The following DST variants were observed in gnomAD, a reference collection of about 807,000 sequenced individuals.
DST encodes the protein dystonin.
A neutral mutation model predicts 875.2 loss-of-function variants in DST; 253 were observed. The observed-to-expected ratio is 0.29, with a 90% CI of 0.26 to 0.32. The LOEUF (loss-of-function observed/expected upper bound fraction) is 0.32. Among genes scored for constraint, DST ranks in the 10% least tolerant of loss-of-function variants. The pLI, the probability that DST is intolerant of heterozygous loss-of-function variation, is 1.00. For synonymous variants in DST, 3,124 were observed against 3,197.1 expected, an observed-to-expected ratio of 0.98 and a Z score of 0.77; for missense variants, 8,287 against 9,111.6, an observed-to-expected ratio of 0.91 and a Z score of 3.68.
In DST at chr6:56,603,026, T is replaced by A; in HGVS notation, c.11163A>T (p.Lys3721Asn). 6.4e-7 allele frequency: 1 copy of A among 1,567,810 alleles called. No individual in the cohort carries two copies. Among genetic ancestry groups the A allele is most frequent in the African/African-American group, 1.4e-5 (1 of 72,382 alleles). ...IMLAIDSEMS[K>N]LAVSHEEFLH... ...GAAATTCTTCATGGGAAACTGCTAG[T>A]TTAGACTAGAAAAAAAAATTGTGCA... The change falls in exon 43 of 104, where the codon AAA becomes AAT. Residue 3721 changes from lysine (K) to asparagine (N), a missense_variant. Transcript: ENST00000680361.
chr6:56,531,514 G>A (rs115886599), intron 64 of DST, among the ~76,000 whole-genome samples: 4,718 of 152,146 alleles, frequency 0.031, 85 homozygotes, highest in Non-Finnish European at 0.043. Flanking sequence ...TTATTCTATG[G>A]CCCTAAAGCT....
intron 4 of DST, among the ~76,000 whole-genome samples, chr6:56,808,908 TGTTGCATGA>T (rs1375601403): frequency 3.9e-5 from 6 of 152,192 alleles, no homozygotes; most frequent in African/African-American, 1.4e-4. Context: ...TGGGCAAATT[TGTTGCATGA>T]GTCTGGTGTA....
Position 56,607,991 on chromosome 6 carries a change from C to T in DST, c.6637G>A (p.Ala2213Thr). The change falls in exon 40 of 104, where the codon GCA (alanine) becomes ACA (threonine). Residue 2213 changes from alanine (A) to threonine (T), a missense_variant. By Grantham distance (58) the Ala-to-Thr change is moderately conservative. This residue lies in a region of DST where 3,138 missense variants were observed against 3,116.6 expected (regional missense o/e 1.01). Transcript: ENST00000680361. ...AGCAAAAGCCTTTGCCCTGTGTTTG[C>T]ATCCATATAGCTATTTATCATTAAA... ...SYLMINSYMD[A>T]NTGQRLLLYD... 1 of 1,613,488 alleles carries T rather than the reference C, an allele frequency of 6.2e-7. No individual in the cohort carries two copies. The highest frequency in any genetic ancestry group is 8.5e-7 in the Non-Finnish European group (1 of 1,179,664).
chr6:56,907,464 GC>G (rs1393434933), intron 2 of DST, among the ~76,000 whole-genome samples: 1 of 152,166 alleles, frequency 6.6e-6, no homozygotes, highest in African/African-American at 2.4e-5. Flanking sequence ...TAGGCACTTA[GC>G]CTATATACAC....
intron 4 of DST, among the ~76,000 whole-genome samples, chr6:56,846,186 CATTT>C (rs2099806983): frequency 6.6e-6 from 1 of 152,192 alleles, no homozygotes; most frequent in Non-Finnish European, 1.5e-5. Context: ...GGTAAGCTAT[CATTT>C]ATAAAGCATT....
Position 56,503,056 on chromosome 6 carries a change from C to T in DST, c.19566+941G>A, listed in dbSNP as rs191019043. Among the ~76,000 whole-genome samples the T allele has an allele frequency of 5.3e-5, 8 of 152,130 alleles. No homozygotes were observed. In the East Asian group the frequency reaches 1.5e-3, roughly 29 times the overall value. On this transcript the variant is annotated intron_variant, in intron 78 of 103. Coordinates refer to ENST00000680361, the MANE Select transcript of DST (RefSeq NM_001374736.1). ...TACAGAGAACAGCAATGGAAAACAA[C>T]AAACATTTACAAAACAAACCTTTTG...
Position 56,530,039 on chromosome 6 carries a change from G to C in DST, c.17203C>G (p.Leu5735Val). ...GTTCCTATGGGTTCACAATTCACCA[G>C]CCTCTTTTCTATGGTTGTAAGCCAC... is the stretch of plus-strand genomic sequence containing the variant. The part of the protein sequence containing the change: ...NEWLTTIEKR[L>V]VNCEPIGTQA... The change falls in exon 65 of 104, where the codon CTG becomes GTG. Residue 5735 changes from leucine (L) to valine (V), a missense_variant. Around this residue, in one of 10 missense-constraint regions of DST, gnomAD observed 777 missense variants for 764.8 expected, o/e 1.02. Transcript: ENST00000680361. 1 of 1,613,274 alleles carries C rather than the reference G, an allele frequency of 6.2e-7. No homozygotes were observed. Among genetic ancestry groups the C allele is most frequent in the Non-Finnish European group, 8.5e-7 (1 of 1,179,630 alleles).
intron 4 of DST, among the ~76,000 whole-genome samples, chr6:56,741,616 C>T (rs2099547021): frequency 1.3e-5 from 2 of 152,188 alleles, no homozygotes; most frequent in Non-Finnish European, 2.9e-5. Flanking sequence ...TTTCCATACA[C>T]ATTATTTCAA....
At chr6:56,487,431 G>A (rs2095605609) in intron 86 of DST, among the ~76,000 whole-genome samples, 158 bp from the exon 87 acceptor site, 2 of 152,110 alleles carry the variant, frequency 1.3e-5, no homozygotes, top group South Asian at 2.1e-4. Context: ...ACCATGGTAC[G>A]AAAGCCATAG....
chr6:56,621,996 C>T (rs1157921687), intron 36 of DST, among the ~76,000 whole-genome samples: 1 of 152,166 alleles, frequency 6.6e-6, no homozygotes, highest in Non-Finnish European at 1.5e-5. Context: ...AAACAAATCT[C>T]ATAATCTGTT....
intron 13 of DST, among the ~76,000 whole-genome samples, chr6:56,646,618 C>CA (rs35683584): frequency 0.08 from 11,407 of 142,624 alleles, 530 homozygotes; most frequent in East Asian, 0.13. Flanking sequence ...TTCTATCCTT[C>CA]AAAAAAAAAA....
At chr6:56,748,096 G>C (rs2099577704) in intron 4 of DST, among the ~76,000 whole-genome samples, 1 of 151,980 alleles carries the variant, frequency 6.6e-6, no homozygotes, top group African/African-American at 2.4e-5. Flanking sequence ...GCTATTTTCT[G>C]TCCCAGCCAA....
chr6:56,736,413 G>A (rs1005714428), intron 4 of DST, among the ~76,000 whole-genome samples: 18 of 152,320 alleles, frequency 1.2e-4, no homozygotes, highest in African/African-American at 4.1e-4. Flanking sequence ...CCTAAAGCTA[G>A]CATTCAAAAC....
At chr6:56,708,803 G>T (rs1201109070) in intron 5 of DST, among the ~76,000 whole-genome samples, 1 of 152,152 alleles carries the variant, frequency 6.6e-6, no homozygotes, top group East Asian at 1.9e-4. Flanking sequence ...TTAAGGGAAA[G>T]AAAAGAAGGG....
rs557977605 is a variant in DST at position 56,517,943 on chromosome 6, G to A, written c.18130-323C>T. Among the ~76,000 whole-genome samples, 5 of 152,202 alleles carry A rather than the reference G, an allele frequency of 3.3e-5. No homozygotes were observed. The East Asian group carries it at 9.7e-4, about 29-fold the overall frequency. Reference sequence around the variant, plus strand: ...AGTACTGTCCAAATCTAACAGTTATGAAAGCCAACAGCCAGGTACCATCTT... The same window carrying A: ...AGTACTGTCCAAATCTAACAGTTATAAAAGCCAACAGCCAGGTACCATCTT... On this transcript the variant is annotated intron_variant, in intron 69 of 103. Transcript: ENST00000680361.
chr6:56,904,482 C>G (rs988172180), intron 2 of DST, among the ~76,000 whole-genome samples: 1 of 152,156 alleles, frequency 6.6e-6, no homozygotes, highest in Non-Finnish European at 1.5e-5. Flanking sequence ...ATCCACATTA[C>G]GTACTCAGAA....
chr6:56,506,676 A>G lies in DST; in HGVS notation c.19353T>C (p.Ser6451=). The change falls in exon 76 of 104, where the codon AGT becomes AGC. Residue 6451 remains serine (S), a synonymous_variant. Coordinates refer to ENST00000680361, the MANE Select transcript of DST (RefSeq NM_001374736.1). ...AGTAAGCCAGTTGTACCTCATCTAT[A>G]CTCTTCTTGACAATGGGTTTATCAG... ...GEPDKPIVKK[S]IDELNSAWDS... 1 of 1,613,366 alleles carries G rather than the reference A, an allele frequency of 6.2e-7. No homozygotes were observed. Among genetic ancestry groups the G allele is most frequent in the Non-Finnish European group, 8.5e-7 (1 of 1,179,638 alleles).
intron 49 of DST, among the ~76,000 whole-genome samples, chr6:56,581,559 G>A (rs1383941569): frequency 6.6e-6 from 1 of 152,218 alleles, no homozygotes; most frequent in African/African-American, 2.4e-5. Context: ...AAAAAAGGTG[G>A]AAGCAGGAGC....
chr6:56,784,695 T>C (rs1047567668), intron 4 of DST, among the ~76,000 whole-genome samples: 4 of 152,234 alleles, frequency 2.6e-5, no homozygotes, highest in African/African-American at 4.8e-5. Flanking sequence ...TCGGAGTAGT[T>C]TGATCGTCTG....
Sources: gnomAD v4.1 joint callset for allele counts (sites outside exome capture counted in the v4.1 genomes callset) on GRCh38, gnomAD v4.1.1 for gene constraint, gnomAD v4.1.1 regional missense constraint, MANE v1.5 for transcripts, NCBI Gene and HGNC (gene_info 2026-07-23, HGNC 2026-07-21) for gene names.